Variants in RHCG observed in about 807,000 individuals in gnomAD.
The protein encoded by RHCG is Rh family C glycoprotein.
A neutral mutation model predicts 55.3 loss-of-function variants in RHCG; 39 were observed. That is an observed-to-expected ratio of 0.70 (90% confidence interval 0.55 to 0.92). RHCG has a LOEUF of 0.92. Ranked by LOEUF, RHCG falls within the 40% of genes least tolerant of loss-of-function variation. The pLI is 0.00. For missense variants in RHCG, 635 were observed against 627.9 expected (o/e 1.01, Z -0.12); for synonymous variants, 250 against 246.8 (o/e 1.01, Z -0.12).
At chr15:89,479,524 G>A (rs1449703426) in intron 4 of RHCG, 36 bp from the exon 5 acceptor site, 2 of 1,574,852 alleles carry the variant, frequency 1.3e-6, no homozygotes, top group African/African-American at 1.3e-5. Flanking sequence ...GGCCCGGGAG[G>A]AGAGGCATTA....
intron 1 of RHCG, among the ~76,000 whole-genome samples, chr15:89,488,171 A>G (rs1291197827): frequency 6.6e-6 from 1 of 152,262 alleles, no homozygotes; most frequent in Non-Finnish European, 1.5e-5. Context: ...ATTATGTGTT[A>G]TAATGAATTA....
At chr15:89,483,674 C>T (rs956962557) in intron 2 of RHCG, among the ~76,000 whole-genome samples, 10 of 152,170 alleles carry the variant, frequency 6.6e-5, no homozygotes, top group Non-Finnish European at 1.2e-4. Context: ...ACTCTGCACA[C>T]ACCTCTTCTG....
At chr15:89,472,009 C>G (rs1961046679) in intron 10 of RHCG, among the ~76,000 whole-genome samples, 154 bp from the exon 11 acceptor site, 1 of 152,206 alleles carries the variant, frequency 6.6e-6, no homozygotes, top group East Asian at 1.9e-4. Context: ...TCTCTTGCCA[C>G]ATCACTCAGG....
At chr15:89,491,268 C>T (rs534339086) in intron 1 of RHCG, among the ~76,000 whole-genome samples, 19 of 152,218 alleles carry the variant, frequency 1.2e-4, no homozygotes, top group African/African-American at 4.6e-4. Context: ...GGTGGGTGCC[C>T]TGTCTCTCCT....
chr15:89,479,455 A>T lies in RHCG; in HGVS notation c.704T>A (p.Phe235Tyr). The part of the protein sequence containing the change: ...TLFLWMYWPS[F>Y]NSAISYHGDS... ...CCCATGGTAGGATATGGCTGAGTTG[A>T]AGCTGGGCCAGTACATCCACAGGAA... Residue 235 changes from phenylalanine (F) to tyrosine (Y), a missense_variant, in exon 5 of 11, where the codon TTC (phenylalanine) becomes TAC (tyrosine). Transcript: ENST00000268122. 6.2e-7 allele frequency: 1 copy of T among 1,613,784 alleles called. No homozygotes were observed. The highest frequency in any genetic ancestry group is 8.5e-7 in the Non-Finnish European group (1 of 1,179,884).
At chr15:89,491,641 C>T (rs572568821) in intron 1 of RHCG, among the ~76,000 whole-genome samples, 16 of 152,092 alleles carry the variant, frequency 1.1e-4, no homozygotes, top group Non-Finnish European at 1.9e-4. Context: ...GTAGTGCACG[C>T]CTTTAATCCC....
At chr15:89,486,593 AGAGAGAGTGTGT>A (rs1296632478) in intron 2 of RHCG, 194 bp downstream of exon 2, 62 of 417,126 alleles carry the variant, frequency 1.5e-4, no homozygotes, top group African/African-American at 4.2e-4. Context: ...AGAGAGAGAG[AGAGAGAGTGTGT>A]GTGTGTGTGT....
In RHCG at chr15:89,476,844, G is replaced by T. The variant is rs1961159617; in HGVS notation, c.1238-16C>A. ...AAAATGAGCCCTACAGAAAGTTGGA[G>T]ATTACAGGATGTCAGGAAGTGCCTT... On this transcript the variant is annotated splice_polypyrimidine_tract_variant and intron_variant, in intron 8 of 10. Coordinates refer to ENST00000268122, the MANE Select transcript of RHCG (RefSeq NM_016321.3). The T allele has an allele frequency of 1.2e-6, 2 of 1,609,898 alleles. No individual in the cohort carries two copies. The highest frequency in any genetic ancestry group is 2.7e-5 in the African/African-American group (2 of 74,840).
At chr15:89,472,913 G>A (rs1289764124) in intron 9 of RHCG, 50 bp from the exon 10 acceptor site, 2 of 1,391,558 alleles carry the variant, frequency 1.4e-6, no homozygotes, top group African/African-American at 3.0e-5. Context: ...TCCAGGCAAG[G>A]GTGTCCCTGG....
At chr15:89,484,209 C>G (rs977975594) in intron 2 of RHCG, among the ~76,000 whole-genome samples, 8 of 152,204 alleles carry the variant, frequency 5.3e-5, no homozygotes, top group African/African-American at 1.9e-4. Flanking sequence ...GTTCACTGGA[C>G]TGTCCACTCC....
rs1961059104 is a variant in RHCG, at chr15:89,472,610, A to ATGTTTGCTTTTTGCCTCT, written c.*24+83_*24+100dup. On this transcript the variant is annotated intron_variant, in intron 10 of 10. Transcript: ENST00000268122. ...GAGGGGTGGAAGCCCTCATTTCTTG[A>ATGTTTGCTTTTTGCCTCT]TGTTTGCTTTTTGCCTCTTTGCTAG... 4 of 1,200,016 alleles carry ATGTTTGCTTTTTGCCTCT rather than the reference A, an allele frequency of 3.3e-6. No homozygotes were observed. The East Asian group carries it at 1.0e-4, about 31-fold the overall frequency. 74.3% of individuals were successfully genotyped at this position (1,200,016 alleles called of 1,614,324 possible). A position where few individuals can be genotyped will look rare whatever the true frequency, so the allele number is the denominator to read the frequency against.
intron 2 of RHCG, chr15:89,486,273 C>T (rs1277307941): frequency 2.2e-6 from 1 of 456,644 alleles, no homozygotes; most frequent in Middle Eastern, 3.3e-4. Flanking sequence ...AGAGGTACCT[C>T]CATTTGGCTG....
At position 89,477,836 on chromosome 15, in the gene RHCG, C is replaced by T. The variant is rs778040043; in HGVS notation, c.975+1G>A. The T allele has an allele frequency of 6.8e-6, 11 of 1,613,936 alleles. No individual in the cohort carries two copies. Among genetic ancestry groups the T allele is most frequent in the Admixed American group, 1.7e-5 (1 of 59,994 alleles). On this transcript the variant is annotated splice_donor_variant, in intron 6 of 10. Coordinates refer to ENST00000268122, the MANE Select transcript of RHCG (RefSeq NM_016321.3). LOFTEE classifies it high-confidence loss of function. The surrounding 1 kb of genome is among the most constrained non-coding windows in gnomAD (Gnocchi z 4.5). ...CCCAGCCCCTTGCCTGGGGCACTTA[C>T]GGTCAGGTATACAAAACCCAGGGTG...
chr15:89,485,658 T>A (rs534454765), intron 2 of RHCG, among the ~76,000 whole-genome samples: 1 of 152,352 alleles, frequency 6.6e-6, no homozygotes, highest in African/African-American at 2.4e-5. Flanking sequence ...CAAATTAATT[T>A]TTTTTCTTGA....
At chr15:89,475,477 C>T (rs535930688) in intron 9 of RHCG, among the ~76,000 whole-genome samples, 4 of 152,274 alleles carry the variant, frequency 2.6e-5, no homozygotes, top group African/African-American at 9.6e-5. Context: ...AACTCCTGAC[C>T]TCAGGTGATC....
chr15:89,496,344 C>CA lies in RHCG; in HGVS notation c.184+16dup. On this transcript the variant is annotated intron_variant, in intron 1 of 10. Coordinates refer to ENST00000268122, the MANE Select transcript of RHCG (RefSeq NM_016321.3). Reference sequence around the variant, plus strand: ...CGCGGATATGCCTCCGCTGGGCCTGCAGGCGGCGAGACTTACTTGGGTAGC... The same window carrying CA: ...CGCGGATATGCCTCCGCTGGGCCTGCAAGGCGGCGAGACTTACTTGGGTAGC... The CA allele has an allele frequency of 2.5e-6, 4 of 1,613,010 alleles. No homozygotes were observed. Among genetic ancestry groups the CA allele is most frequent in the Non-Finnish European group, 3.4e-6 (4 of 1,179,560 alleles).
rs549735692 is a variant in RHCG, at chr15:89,494,217, A to G, written c.184+2144T>C. Among the ~76,000 whole-genome samples, 4 of 152,132 alleles carry G rather than the reference A, an allele frequency of 2.6e-5. No homozygotes were observed. The East Asian group carries it at 7.7e-4, about 29-fold the overall frequency. Reference sequence around the variant, plus strand: ...TCCTCACCATCCACCACTTCCCAGGAAGCCATCACAGATCACTTCTGCTCA... The same window carrying G: ...TCCTCACCATCCACCACTTCCCAGGGAGCCATCACAGATCACTTCTGCTCA... On this transcript the variant is annotated intron_variant, in intron 1 of 10. Transcript: ENST00000268122.
At chr15:89,492,083 A>AG (rs11378873) in intron 1 of RHCG, among the ~76,000 whole-genome samples, 152,331 of 152,332 alleles carry the variant, frequency 1, 76,165 homozygotes, top group Middle Eastern at 1. Context: ...GAGGGTCAAC[A>AG]AAGTTGACCC....
chr15:89,481,387 T>A (rs745684896), intron 3 of RHCG, among the ~76,000 whole-genome samples: 1 of 151,168 alleles, frequency 6.6e-6, no homozygotes, highest in Non-Finnish European at 1.5e-5. Flanking sequence ...GAGGCAGAGG[T>A]TGCAGTGAGC....
Sources: gnomAD v4.1 joint callset for allele counts (sites outside exome capture counted in the v4.1 genomes callset) on GRCh38, gnomAD v4.1.1 for gene constraint, Gnocchi (gnomAD v3.1) non-coding constraint, MANE v1.5 for transcripts, NCBI Gene and HGNC (gene_info 2026-07-23, HGNC 2026-07-21) for gene names.